USP6NL: variants seen among roughly 807,000 people sequenced by gnomAD.
USP6NL encodes the protein USP6 N-terminal-like protein.
In USP6NL, 26 loss-of-function variants were observed where a neutral mutation model predicts 61.9. The observed-to-expected ratio is 0.42, with a 90% CI of 0.31 to 0.58. The LOEUF is 0.58. USP6NL is among the 20% of genes least tolerant of loss of function. USP6NL has a pLI of 0.16. For missense variants in USP6NL, 1,114 were observed against 1,034.3 expected, an observed-to-expected ratio of 1.08 and a Z score of -1.06; for synonymous variants, 432 against 390.1, an observed-to-expected ratio of 1.11 and a Z score of -1.27.
chr10:11,594,213 C>T (rs979164459), intron 2 of USP6NL, among the ~76,000 whole-genome samples: 3 of 152,118 alleles, frequency 2.0e-5, no homozygotes, highest in African/African-American at 7.2e-5. Flanking sequence ...ACTCCCTAAC[C>T]TTTGGTACAG....
At chr10:11,535,393 A>C (rs1835792267) in intron 2 of USP6NL, among the ~76,000 whole-genome samples, 1 of 152,226 alleles carries the variant, frequency 6.6e-6, no homozygotes. Flanking sequence ...TAGAGAATGG[A>C]TCAACTTGCA....
Position 11,532,185 on chromosome 10 carries a change from G to A in USP6NL, c.5-4618C>T. On this transcript the variant is annotated intron_variant, in intron 2 of 14. Coordinates refer to ENST00000609104, the MANE Select transcript of USP6NL (RefSeq NM_014688.5). This position sits in a 1 kb window ranked among gnomAD's most constrained non-coding sequence, Gnocchi z 4.1. Reference sequence around the variant, plus strand: ...ATTTTAAAAGTACTTTACCCTTTGTGAGATAATCAGTCTGGCCTTGGGAAT... The same window carrying A: ...ATTTTAAAAGTACTTTACCCTTTGTAAGATAATCAGTCTGGCCTTGGGAAT... The A allele has an allele frequency of 6.3e-7, 1 of 1,595,758 alleles. No homozygotes were observed. The highest frequency in any genetic ancestry group is 8.6e-7 in the Non-Finnish European group (1 of 1,168,462).
chr10:11,507,006 C>A (rs1027627330), intron 6 of USP6NL, among the ~76,000 whole-genome samples: 3 of 152,148 alleles, frequency 2.0e-5, no homozygotes, highest in Admixed American at 6.5e-5. Context: ...CCACATATAT[C>A]ATCAAATGAT....
intron 2 of USP6NL, among the ~76,000 whole-genome samples, chr10:11,530,365 G>A (rs1480283715): frequency 6.6e-6 from 1 of 152,156 alleles, no homozygotes; most frequent in East Asian, 1.9e-4. Flanking sequence ...GAGAGGTGAA[G>A]ACGCAACATA....
In USP6NL at chr10:11,464,158, G is replaced by A. The variant is rs34315620; in HGVS notation, c.1079-309C>T. On this transcript the variant is annotated intron_variant, in intron 14 of 14. Transcript: ENST00000609104. ...GTCCTCTGAGCATGGGCCTTGAGTC[G>A]GGGACAGGCAGGCACACATGCAGCC... Among the ~76,000 whole-genome samples the A allele has an allele frequency of 7.4e-3, 1,124 of 152,328 alleles. 2 individuals are homozygous for A. Among genetic ancestry groups the A allele is most frequent in the South Asian group, 0.012 (57 of 4,826 alleles).
At position 11,510,440 on chromosome 10, in the gene USP6NL, G is replaced by A. The variant is rs867067522; in HGVS notation, c.196-765C>T. On this transcript the variant is annotated intron_variant, in intron 5 of 14. Transcript: ENST00000609104. The surrounding 1 kb of genome is among the most constrained non-coding windows in gnomAD (Gnocchi z 4.8). The stretch of plus-strand genomic sequence containing the variant: ...ATGTATTTCTGAGACAGCAGGGGCC[G>A]ACAGCAGCTCCAAAGGGTTTACAAA... Among the ~76,000 whole-genome samples the A allele has an allele frequency of 3.3e-5, 5 of 152,258 alleles. No homozygotes were observed. Among genetic ancestry groups the A allele is most frequent in the African/African-American group, 7.2e-5 (3 of 41,558 alleles).
At chr10:11,483,864 G>A (rs1411472009) in intron 13 of USP6NL, among the ~76,000 whole-genome samples, 1 of 152,050 alleles carries the variant, frequency 6.6e-6, no homozygotes, top group East Asian at 1.9e-4. Flanking sequence ...CAACAATTCT[G>A]AGTCCTTTTC....
chr10:11,527,642 C>T, intron 2 of USP6NL, 75 bp from the exon 3 acceptor site: 1 of 1,284,756 alleles, frequency 7.8e-7, no homozygotes, highest in South Asian at 1.4e-5. Flanking sequence ...GAAACTAAGA[C>T]ATAATAAAAC....
rs1433710884 is a variant in USP6NL, at chr10:11,461,802, A to T, written c.*639T>A. The T allele has an allele frequency of 6.6e-6, 1 of 152,252 alleles. No homozygotes were observed. The highest frequency in any genetic ancestry group is 1.5e-5 in the Non-Finnish European group (1 of 68,058). 9.4% of individuals were successfully genotyped at this position (152,252 alleles called of 1,614,324 possible). ...GAAAGAAAATGGCAACAGCTGAAGG[A>T]GAATGATGAGCATTCTGTGAGACTG... On this transcript the variant is annotated 3_prime_UTR_variant, in exon 15 of 15. Transcript: ENST00000609104.
intron 2 of USP6NL, among the ~76,000 whole-genome samples, chr10:11,541,785 GAAAAC>G (rs1369160700): frequency 1.3e-5 from 2 of 151,888 alleles, no homozygotes; most frequent in East Asian, 1.9e-4. Flanking sequence ...ACCTACTGTG[GAAAAC>G]AAAACAAAAT....
In USP6NL at chr10:11,561,031, C is replaced by G. The variant is rs1307195029; in HGVS notation, c.5-33464G>C. On this transcript the variant is annotated intron_variant, in intron 2 of 14. Transcript: ENST00000609104. This position sits in a 1 kb window ranked among gnomAD's most constrained non-coding sequence, Gnocchi z 4.1. ...GAATTAAAAAGCAGTTAATCTACAT[C>G]TATTTCGAGCATACTCAAGCAGCCC... 6.6e-6 allele frequency among the ~76,000 whole-genome samples: 1 copy of G among 152,102 alleles called. No homozygotes were observed. Among genetic ancestry groups the G allele is most frequent in the Non-Finnish European group, 1.5e-5 (1 of 67,998 alleles).
At chr10:11,483,539 A>G (rs1833301257) in intron 13 of USP6NL, among the ~76,000 whole-genome samples, 1 of 55,838 alleles carries the variant, frequency 1.8e-5, no homozygotes, top group Non-Finnish European at 3.5e-5. Flanking sequence ...AGAGAGGGAG[A>G]GAGAGAGGGA....
rs556993954 is a variant in USP6NL at position 11,595,457 on chromosome 10, C to T, written c.4+2174G>A. Among the ~76,000 whole-genome samples, 3 of 152,248 alleles carry T rather than the reference C, an allele frequency of 2.0e-5. No individual in the cohort carries two copies. In the South Asian group the frequency reaches 6.2e-4, roughly 32 times the overall value. On this transcript the variant is annotated intron_variant, in intron 2 of 14. Coordinates refer to ENST00000609104, the MANE Select transcript of USP6NL (RefSeq NM_014688.5). The surrounding 1 kb of genome is among the most constrained non-coding windows in gnomAD (Gnocchi z 5.3). ...ATTGAAAATGCTTCTACTAACTGTG[C>T]TGAGGCTACAGCTTATAAGAGGTTG...
At chr10:11,527,597 T>A (rs371155319) in intron 2 of USP6NL, 30 bp from the exon 3 acceptor site, 6 of 1,580,330 alleles carry the variant, frequency 3.8e-6, no homozygotes, top group Admixed American at 1.8e-5. Flanking sequence ...TTTAGATGAA[T>A]TGTCATTGAA....
chr10:11,508,462 G>A (rs1834552583), intron 6 of USP6NL, among the ~76,000 whole-genome samples: 1 of 152,108 alleles, frequency 6.6e-6, no homozygotes, highest in Non-Finnish European at 1.5e-5. Context: ...TCATAAAAAA[G>A]CTATAGTGAA....
rs761151666 is a variant in USP6NL at position 11,481,772 on chromosome 10, G to A, written c.1076C>T (p.Pro359Leu). ...TAAAGTATTGGGGTAATTCTTACCA[G>A]GTTCTGGAAGGTCTAACTTTGCCCG... is the stretch of plus-strand genomic sequence containing the variant. ...LKRAKLDLPE[P>L]GKEDEYPKKP... The change falls in exon 14 of 15, where the codon CCT (proline) becomes CTT (leucine). Residue 359 changes from proline to leucine, a missense_variant and splice_region_variant. Pro to Leu is a moderately conservative substitution (Grantham distance 98). Coordinates refer to ENST00000609104, the MANE Select transcript of USP6NL (RefSeq NM_014688.5). The surrounding 1 kb of genome is among the most constrained non-coding windows in gnomAD (Gnocchi z 4.4). 2 of 1,604,928 alleles carry A rather than the reference G, an allele frequency of 1.2e-6. No individual in the cohort carries two copies. Among genetic ancestry groups the A allele is most frequent in the Non-Finnish European group, 1.7e-6 (2 of 1,177,260 alleles).
Position 11,490,220 on chromosome 10 carries a change from C to G in USP6NL, c.543+612G>C, listed in dbSNP as rs551472769. 1.3e-5 allele frequency among the ~76,000 whole-genome samples: 2 copies of G among 152,316 alleles called. No homozygotes were observed. Among genetic ancestry groups the G allele is most frequent in the South Asian group, 4.1e-4 (2 of 4,824 alleles). ...AATAGAAATTATACATCCCAAGGTT[C>G]AAAGGTCCTCCCTGGGACCTAGTCA... On this transcript the variant is annotated intron_variant, in intron 9 of 14. Transcript: ENST00000609104. This position sits in a 1 kb window ranked among gnomAD's most constrained non-coding sequence, Gnocchi z 4.5.
chr10:11,602,921 C>T lies in USP6NL; in HGVS notation c.-83-5204G>A, dbSNP rs1838590656. Among the ~76,000 whole-genome samples the T allele has an allele frequency of 6.6e-6, 1 of 152,214 alleles. No homozygotes were observed. Among genetic ancestry groups the T allele is most frequent in the South Asian group, 2.1e-4 (1 of 4,834 alleles). On this transcript the variant is annotated intron_variant, in intron 1 of 14. Coordinates refer to ENST00000609104, the MANE Select transcript of USP6NL (RefSeq NM_014688.5). This position sits in a 1 kb window ranked among gnomAD's most constrained non-coding sequence, Gnocchi z 4.8. ...AGAAAGTCTCAACACTGTACTTTCA[C>T]AGTTCTTATGCTTTCCCTAAAGAAT...
In USP6NL at chr10:11,490,527, A is replaced by G. The variant is rs989176687; in HGVS notation, c.543+305T>C. ...CACTTCCTGTCCTTCTACCCTGTAT[A>G]TCTGCTTAAAAATAAAAACAAAACA... is the stretch of plus-strand genomic sequence containing the variant. On this transcript the variant is annotated intron_variant, in intron 9 of 14. Transcript: ENST00000609104. This position sits in a 1 kb window ranked among gnomAD's most constrained non-coding sequence, Gnocchi z 4.5. Among the ~76,000 whole-genome samples, 2 of 152,224 alleles carry G rather than the reference A, an allele frequency of 1.3e-5. No individual in the cohort carries two copies. Among genetic ancestry groups the G allele is most frequent in the Non-Finnish European group, 2.9e-5 (2 of 68,040 alleles).
Sources: allele counts gnomAD v4.1 joint callset (sites outside exome capture counted in the v4.1 genomes callset), GRCh38; gene constraint gnomAD v4.1.1; non-coding constraint Gnocchi (gnomAD v3.1); transcripts MANE v1.5; gene names NCBI Gene and HGNC (gene_info 2026-07-23, HGNC 2026-07-21).